Variants in STRAP observed in about 807,000 individuals in gnomAD.
STRAP encodes the protein serine/threonine kinase receptor associated protein, also known as serine-threonine kinase receptor-associated protein.
Under a neutral mutation model 47.0 loss-of-function variants are expected in STRAP, and 16 were observed. That is an observed-to-expected ratio of 0.34 (90% CI 0.23 to 0.52). The LOEUF is 0.52. Among genes scored for constraint, STRAP ranks in the 20% least tolerant of loss-of-function variants. STRAP has a pLI of 0.96. For missense variants in STRAP, 293 were observed against 420.0 expected (o/e 0.70, Z 2.64); for synonymous variants, 130 against 142.7 (o/e 0.91, Z 0.63).
intron 6 of STRAP, 139 bp downstream of exon 6, chr12:15,895,635 G>A (rs1948053405): frequency 1.2e-6 from 1 of 827,094 alleles, no homozygotes; most frequent in Non-Finnish European, 1.8e-6. Flanking sequence ...GCAGTACCTT[G>A]GGAAGCTGAG....
intron 2 of STRAP, among the ~76,000 whole-genome samples, chr12:15,886,109 G>T (rs1288751761): frequency 6.6e-6 from 1 of 152,000 alleles, no homozygotes; most frequent in African/African-American, 2.4e-5. Flanking sequence ...CTGTGTTAGA[G>T]TGGAAAATAA....
At chr12:15,900,920 T>C in intron 8 of STRAP, 27 bp from the exon 9 acceptor site, 1 of 1,566,052 alleles carries the variant, frequency 6.4e-7, no homozygotes, top group Admixed American at 1.9e-5. Context: ...GTAAGTCATA[T>C]AATCGTCATT....
rs1312964986 is a variant in STRAP at position 15,903,064 on chromosome 12, T to G, written c.*86T>G. 7.3e-7 allele frequency: 1 copy of G among 1,379,100 alleles called. No homozygotes were observed. Among genetic ancestry groups the G allele is most frequent in the African/African-American group, 1.5e-5 (1 of 68,218 alleles). 85.4% of individuals were successfully genotyped at this position (1,379,100 alleles called of 1,614,324 possible). On this transcript the variant is annotated 3_prime_UTR_variant, in exon 10 of 10. Transcript: ENST00000419869. Reference sequence around the variant, plus strand: ...TCAGCCTTCCAGAGTTACTGTCTGCTTAAGGCAGAAACAGCAGTAAATAAT... The same window carrying G: ...TCAGCCTTCCAGAGTTACTGTCTGCGTAAGGCAGAAACAGCAGTAAATAAT...
chr12:15,894,351 C>T lies in STRAP; in HGVS notation c.500+208C>T, dbSNP rs755571262. On this transcript the variant is annotated intron_variant, in intron 5 of 9. Transcript: ENST00000419869. This position sits in a 1 kb window ranked among gnomAD's most constrained non-coding sequence, Gnocchi z 4.9. ...GCACACACCTATAATCCCAGCTACT[C>T]GGGAGGCCGAGGCAGGAGAATCACT... Among the ~76,000 whole-genome samples, 5 of 152,242 alleles carry T rather than the reference C, an allele frequency of 3.3e-5. No homozygotes were observed. The highest frequency in any genetic ancestry group is 2.1e-4 in the South Asian group (1 of 4,828).
chr12:15,903,069 G>A lies in STRAP; in HGVS notation c.*91G>A, dbSNP rs2136115603. The A allele has an allele frequency of 7.6e-7, 1 of 1,312,892 alleles. No individual in the cohort carries two copies. Among genetic ancestry groups the A allele is most frequent in the East Asian group, 2.5e-5 (1 of 39,784 alleles). The allele number at this position is 1,312,892 out of a possible 1,614,324, so 81.3% of individuals were successfully genotyped here. ...CTTCCAGAGTTACTGTCTGCTTAAG[G>A]CAGAAACAGCAGTAAATAATGAGGA... is the stretch of plus-strand genomic sequence containing the variant. On this transcript the variant is annotated 3_prime_UTR_variant, in exon 10 of 10. Coordinates refer to ENST00000419869, the MANE Select transcript of STRAP (RefSeq NM_007178.4).
intron 4 of STRAP, among the ~76,000 whole-genome samples, chr12:15,891,268 A>G (rs1043789532): frequency 2.6e-5 from 4 of 152,180 alleles, no homozygotes; most frequent in South Asian, 2.1e-4. Context: ...CAGTGTTACT[A>G]TTTTTTGGTA....
intron 2 of STRAP, among the ~76,000 whole-genome samples, chr12:15,885,963 A>G (rs1009798184): frequency 1.3e-5 from 2 of 152,238 alleles, no homozygotes; most frequent in Non-Finnish European, 2.9e-5. Flanking sequence ...TCAAAATCAC[A>G]TATTATTTTG....
chr12:15,901,903 A>G (rs1267902802), intron 9 of STRAP, among the ~76,000 whole-genome samples: 4 of 151,106 alleles, frequency 2.6e-5, no homozygotes, highest in South Asian at 4.2e-4. Context: ...TGTTGCACGT[A>G]CAAAGAATTG....
intron 5 of STRAP, 103 bp from the exon 6 acceptor site, chr12:15,895,256 T>C: frequency 3.2e-6 from 3 of 942,512 alleles, no homozygotes; most frequent in Non-Finnish European, 4.5e-6. Context: ...TGTTTTTCTG[T>C]AATTGTGATT....
chr12:15,889,787 A>G, intron 2 of STRAP, 141 bp from the exon 3 acceptor site: 4 of 600,886 alleles, frequency 6.7e-6, no homozygotes, highest in Non-Finnish European at 1.2e-5. Context: ...GGGATATTAG[A>G]GATAAAGGAG....
At chr12:15,898,154 CT>C in intron 7 of STRAP, 136 bp downstream of exon 7, 1 of 744,590 alleles carries the variant, frequency 1.3e-6, no homozygotes, top group South Asian at 2.8e-5. Context: ...AAGCTTGGTG[CT>C]TACAAGTGAA....
chr12:15,895,273 T>C, intron 5 of STRAP, 86 bp from the exon 6 acceptor site: 1 of 1,037,114 alleles, frequency 9.6e-7, no homozygotes, highest in Admixed American at 3.0e-5. Context: ...GATTGTTCTT[T>C]CGTTGGCTAA....
rs111439729 is a variant in STRAP at position 15,903,315 on chromosome 12, A to AT, written c.*343dup. 13,869 of 180,086 alleles carry AT rather than the reference A, an allele frequency of 0.077. 2,003 individuals carry two copies. The highest frequency in any genetic ancestry group is 0.3 in the African/African-American group (12,745 of 42,534). The allele number at this position is 180,086 out of a possible 1,614,324, so 11.2% of individuals were successfully genotyped here. A position where few individuals can be genotyped will look rare whatever the true frequency, so the allele number is the denominator to read the frequency against. On this transcript the variant is annotated 3_prime_UTR_variant, in exon 10 of 10. Coordinates refer to ENST00000419869, the MANE Select transcript of STRAP (RefSeq NM_007178.4). Reference sequence around the variant, plus strand: ...ATGGAGAAGAAAACTATATTGGCTGATTTTTTCTGATCTTAAAGCAGAATG... The same window carrying AT: ...ATGGAGAAGAAAACTATATTGGCTGATTTTTTTCTGATCTTAAAGCAGAATG...
At chr12:15,898,123 A>C in intron 7 of STRAP, 105 bp downstream of exon 7, 1 of 1,117,016 alleles carries the variant, frequency 9.0e-7, no homozygotes, top group Non-Finnish European at 1.2e-6. Flanking sequence ...ATATGTTGAA[A>C]GTAAATTTTT....
chr12:15,893,426 T>C (rs1419731296), intron 4 of STRAP, among the ~76,000 whole-genome samples: 2 of 147,342 alleles, frequency 1.4e-5, no homozygotes, highest in Admixed American at 6.8e-5. Context: ...CTTTTTATTA[T>C]ATATAAAATA....
rs1177941036 is a variant in STRAP at position 15,887,479 on chromosome 12, G to A, written c.249-2449G>A. The stretch of plus-strand genomic sequence containing the variant: ...TATGTCAATTTCTTGCCTGGAGATT[G>A]AATAATACATTAGGAAACATTTAGA... On this transcript the variant is annotated intron_variant, in intron 2 of 9. Coordinates refer to ENST00000419869, the MANE Select transcript of STRAP (RefSeq NM_007178.4). The surrounding 1 kb of genome is among the most constrained non-coding windows in gnomAD (Gnocchi z 5.5). Among the ~76,000 whole-genome samples the A allele has an allele frequency of 6.6e-6, 1 of 152,128 alleles. No individual in the cohort carries two copies. The highest frequency in any genetic ancestry group is 2.4e-5 in the African/African-American group (1 of 41,432).
chr12:15,882,677 C>A lies in STRAP; in HGVS notation c.-31C>A. 1 of 1,575,060 alleles carries A rather than the reference C, an allele frequency of 6.3e-7. No homozygotes were observed. The highest frequency in any genetic ancestry group is 8.6e-7 in the Non-Finnish European group (1 of 1,156,988). ...GAAAAGACAACGACGACCCTCAGCTCGCCAGTCCGGTCGCTGGCTTCGCCG... is the reference window on the plus strand; with the variant it reads ...GAAAAGACAACGACGACCCTCAGCTAGCCAGTCCGGTCGCTGGCTTCGCCG... On this transcript the variant is annotated 5_prime_UTR_variant, in exon 1 of 10. Coordinates refer to ENST00000419869, the MANE Select transcript of STRAP (RefSeq NM_007178.4).
chr12:15,890,181 A>G lies in STRAP; in HGVS notation c.330+172A>G, dbSNP rs576045676. Among the ~76,000 whole-genome samples the G allele has an allele frequency of 6.6e-6, 1 of 152,308 alleles. No individual in the cohort carries two copies. Among genetic ancestry groups the G allele is most frequent in the East Asian group, 1.9e-4 (1 of 5,188 alleles). ...GTATTAAGCTCTATGAATTTGTTTC[A>G]TAGTTAATCCTGTCAAGCTTTTAAG... On this transcript the variant is annotated intron_variant, in intron 3 of 9. Coordinates refer to ENST00000419869, the MANE Select transcript of STRAP (RefSeq NM_007178.4). This position sits in a 1 kb window ranked among gnomAD's most constrained non-coding sequence, Gnocchi z 4.5.
intron 7 of STRAP, 77 bp from the exon 8 acceptor site, chr12:15,899,827 G>C: frequency 7.2e-7 from 1 of 1,390,168 alleles, no homozygotes; most frequent in African/African-American, 1.5e-5. Flanking sequence ...CAGTAACACA[G>C]ACAGTATTTT....
Sources: gnomAD v4.1 joint callset for allele counts (sites outside exome capture counted in the v4.1 genomes callset) on GRCh38, gnomAD v4.1.1 for gene constraint, Gnocchi (gnomAD v3.1) non-coding constraint, MANE v1.5 for transcripts, NCBI Gene and HGNC (gene_info 2026-07-23, HGNC 2026-07-21) for gene names.